Variants in CDH20 observed in about 807,000 individuals in gnomAD.
CDH20 encodes the protein cadherin 20, also known as cadherin-20.
A neutral mutation model predicts 74.2 loss-of-function variants in CDH20; 29 were observed. The observed-to-expected ratio is 0.39, with a 90% CI of 0.29 to 0.53. The LOEUF is 0.53. Among genes scored for constraint, CDH20 ranks in the 20% least tolerant of loss-of-function variants. CDH20 has a pLI of 0.69. For synonymous variants in CDH20, 469 were observed against 405.4 expected, an observed-to-expected ratio of 1.16 and a Z score of -1.88; for missense variants, 988 against 1,048.3, an observed-to-expected ratio of 0.94 and a Z score of 0.79.
intron 1 of CDH20, among the ~76,000 whole-genome samples, chr18:61,414,940 T>G (rs1306901008): frequency 6.6e-6 from 1 of 152,122 alleles, no homozygotes; most frequent in Non-Finnish European, 1.5e-5. Context: ...ACTTCGTATT[T>G]CCAAACTGAA....
chr18:61,403,776 T>C (rs550043874), intron 1 of CDH20, among the ~76,000 whole-genome samples: 2 of 152,338 alleles, frequency 1.3e-5, no homozygotes, highest in East Asian at 3.9e-4. Context: ...TCCAAAGGAA[T>C]ATAAATCATT....
chr18:61,379,006 G>T (rs952263235), intron 1 of CDH20, among the ~76,000 whole-genome samples: 1 of 151,948 alleles, frequency 6.6e-6, no homozygotes, highest in African/African-American at 2.4e-5. Flanking sequence ...TAGTATTAAA[G>T]ACTTCCTGAG....
chr18:61,477,748 T>G (rs1031527339), intron 1 of CDH20, among the ~76,000 whole-genome samples: 2 of 152,172 alleles, frequency 1.3e-5, no homozygotes, highest in Admixed American at 1.3e-4. Flanking sequence ...AAAATTGTCT[T>G]CCAGAAAGCT....
In CDH20 at chr18:61,536,542, A is replaced by T; in HGVS notation, c.1321A>T (p.Ile441Phe). 6.2e-7 allele frequency: 1 copy of T among 1,613,674 alleles called. No homozygotes were observed. Among genetic ancestry groups the T allele is most frequent in the South Asian group, 1.1e-5 (1 of 91,070 alleles). Residue 441 changes from isoleucine to phenylalanine, a missense_variant, in exon 8 of 12, where the codon ATT (isoleucine) becomes TTT (phenylalanine). This residue lies in a region of CDH20 where 613 missense variants were observed against 755.2 expected (regional missense o/e 0.81). Coordinates refer to ENST00000262717, the MANE Select transcript of CDH20 (RefSeq NM_031891.4). ...CCCTGGAAGATTTTTCTATGTTGACATTACAACAGGTGCCCTAATGACAGC... is the reference window on the plus strand; with the variant it reads ...CCCTGGAAGATTTTTCTATGTTGACTTTACAACAGGTGCCCTAATGACAGC... ...SDPGRFFYVD[I>F]TTGALMTARP...
intron 1 of CDH20, among the ~76,000 whole-genome samples, chr18:61,487,525 G>A (rs1696045809): frequency 6.6e-6 from 1 of 152,172 alleles, no homozygotes; most frequent in African/African-American, 2.4e-5. Flanking sequence ...GAAAGAGTTG[G>A]TACGACATTG....
At chr18:61,462,271 A>T (rs759222050) in intron 1 of CDH20, among the ~76,000 whole-genome samples, 1 of 152,202 alleles carries the variant, frequency 6.6e-6, no homozygotes, top group Non-Finnish European at 1.5e-5. Flanking sequence ...ACATATATCA[A>T]AACATCACCT....
intron 1 of CDH20, among the ~76,000 whole-genome samples, chr18:61,347,159 C>G (rs1343124716): frequency 6.9e-6 from 1 of 145,550 alleles, no homozygotes; most frequent in African/African-American, 2.5e-5. Context: ...ATCAAACACA[C>G]AAAAACAGGC....
chr18:61,395,905 T>A (rs1911952229), intron 1 of CDH20, among the ~76,000 whole-genome samples: 1 of 152,144 alleles, frequency 6.6e-6, no homozygotes, highest in African/African-American at 2.4e-5. Flanking sequence ...TGGTGGCACA[T>A]GCCTGTAATC....
At position 61,441,515 on chromosome 18, in the gene CDH20, G is replaced by A. The variant is rs62098095; in HGVS notation, c.-152-48887G>A. ...CCTTTTTATTAGGTGAACCAAATAA[G>A]CAATAAATATAGACTTTACACACAG... On this transcript the variant is annotated intron_variant, in intron 1 of 11. Transcript: ENST00000262717. Among the ~76,000 whole-genome samples the A allele has an allele frequency of 9.5e-3, 1,451 of 152,038 alleles. 6 individuals carry two copies. The highest frequency in any genetic ancestry group is 0.013 in the Non-Finnish European group (915 of 67,960).
chr18:61,353,820 G>A lies in CDH20; in HGVS notation c.-153+19993G>A, dbSNP rs1056224466. 6.6e-6 allele frequency among the ~76,000 whole-genome samples: 1 copy of A among 152,144 alleles called. No individual in the cohort carries two copies. Among genetic ancestry groups the A allele is most frequent in the Non-Finnish European group, 1.5e-5 (1 of 68,030 alleles). ...GTTCCAGCCAGTCATGGTGGCTCAT[G>A]CCTGTAATCCCAGCATTTTAGGAGG... On this transcript the variant is annotated intron_variant, in intron 1 of 11. Transcript: ENST00000262717. The surrounding 1 kb of genome is among the most constrained non-coding windows in gnomAD (Gnocchi z 4.6).
chr18:61,454,904 T>A (rs1909521226), intron 1 of CDH20, among the ~76,000 whole-genome samples: 1 of 152,172 alleles, frequency 6.6e-6, no homozygotes, highest in South Asian at 2.1e-4. Context: ...CATGGTGCCT[T>A]GGAAAAGCAT....
intron 1 of CDH20, among the ~76,000 whole-genome samples, chr18:61,384,919 C>T (rs1174779554): frequency 6.6e-6 from 1 of 152,038 alleles, no homozygotes. Flanking sequence ...CTAAGAATAG[C>T]AAAAATAATG....
intron 1 of CDH20, among the ~76,000 whole-genome samples, chr18:61,432,637 C>T (rs1410345863): frequency 6.6e-6 from 1 of 152,186 alleles, no homozygotes; most frequent in Non-Finnish European, 1.5e-5. Context: ...CTGCTCCTGT[C>T]CACCTTGTTG....
intron 6 of CDH20, among the ~76,000 whole-genome samples, chr18:61,526,480 A>G (rs918044173): frequency 5.3e-5 from 8 of 152,222 alleles, no homozygotes; most frequent in Non-Finnish European, 1.2e-4. Context: ...TTTAGCTAGA[A>G]AAATGTAAGT....
intron 1 of CDH20, among the ~76,000 whole-genome samples, chr18:61,464,059 T>C (rs1424464126): frequency 6.6e-6 from 1 of 152,174 alleles, no homozygotes; most frequent in African/African-American, 2.4e-5. Flanking sequence ...TTACCTTCCC[T>C]ATTAAAAGTA....
intron 6 of CDH20, among the ~76,000 whole-genome samples, chr18:61,509,409 A>G (rs1405262530): frequency 2.6e-5 from 4 of 152,174 alleles, no homozygotes; most frequent in South Asian, 4.1e-4. Flanking sequence ...AGAAATGGGC[A>G]TGAACTATTG....
At chr18:61,396,047 GTGTGTT>G (rs966604957) in intron 1 of CDH20, among the ~76,000 whole-genome samples, 6 of 150,750 alleles carry the variant, frequency 4.0e-5, no homozygotes, top group Admixed American at 6.6e-5. Flanking sequence ...CAGAGTGTGT[GTGTGTT>G]TGTGTGTGTG....
intron 1 of CDH20, among the ~76,000 whole-genome samples, chr18:61,438,364 C>T (rs1485814246): frequency 3.2e-5 from 2 of 62,032 alleles, no homozygotes; most frequent in African/African-American, 5.8e-5. Context: ...GAGAAGGGTT[C>T]CTGGAGAGGG....
intron 4 of CDH20, among the ~76,000 whole-genome samples, chr18:61,502,165 A>C (rs1362018981): frequency 6.6e-6 from 1 of 152,132 alleles, no homozygotes; most frequent in Non-Finnish European, 1.5e-5. Flanking sequence ...CAACTTTTTT[A>C]AGTTGCAGGG....
Sources: gnomAD v4.1 joint callset for allele counts (sites outside exome capture counted in the v4.1 genomes callset) on GRCh38, gnomAD v4.1.1 for gene constraint, gnomAD v4.1.1 regional missense constraint, Gnocchi (gnomAD v3.1) non-coding constraint, MANE v1.5 for transcripts, NCBI Gene and HGNC (gene_info 2026-07-23, HGNC 2026-07-21) for gene names.